Variants in ANKRD31 observed in about 807,000 individuals in gnomAD.
The protein encoded by ANKRD31 is ankyrin repeat domain 31.
Under a neutral mutation model 186.0 loss-of-function variants are expected in ANKRD31, and 147 were observed. The observed-to-expected ratio is 0.79, with a 90% CI of 0.69 to 0.91. The LOEUF (loss-of-function observed/expected upper bound fraction) is 0.91. Among genes scored for constraint, ANKRD31 ranks in the 40% least tolerant of loss-of-function variants. The probability of loss-of-function intolerance (pLI) is 0.00; values close to 1 mark genes in which losing one functional copy is unlikely to be tolerated. For synonymous variants in ANKRD31, 673 were observed against 736.4 expected (o/e 0.91, Z 1.39); for missense variants, 1,986 against 2,148.8 (o/e 0.92, Z 1.50).
intron 1 of ANKRD31, among the ~76,000 whole-genome samples, chr5:75,231,074 C>CTTTA (rs566026337): frequency 5.9e-5 from 9 of 151,738 alleles, no homozygotes; most frequent in South Asian, 2.1e-4. Flanking sequence ...GACAGAATTC[C>CTTTA]TTTATTTATT....
chr5:75,114,746 C>T (rs1051692847), intron 19 of ANKRD31, among the ~76,000 whole-genome samples: 13 of 152,034 alleles, frequency 8.6e-5, no homozygotes, highest in East Asian at 7.7e-4. Flanking sequence ...CGCTGCTCAA[C>T]GAAATAAAAG....
intron 25 of ANKRD31, among the ~76,000 whole-genome samples, chr5:75,073,861 T>TA (rs1419733995): frequency 1.1e-4 from 16 of 152,206 alleles, no homozygotes; most frequent in African/African-American, 3.9e-4. Flanking sequence ...CTCCTCTTTT[T>TA]AAAAAATTTT....
intron 19 of ANKRD31, among the ~76,000 whole-genome samples, chr5:75,114,567 T>C (rs548374517): frequency 2.0e-5 from 3 of 152,210 alleles, no homozygotes; most frequent in Admixed American, 6.5e-5. Context: ...GTTTTCTAGA[T>C]ATACAATCAA....
intron 25 of ANKRD31, among the ~76,000 whole-genome samples, chr5:75,071,130 G>C (rs1008319944): frequency 6.6e-6 from 1 of 151,952 alleles, no homozygotes; most frequent in South Asian, 2.1e-4. Context: ...TCATGTTTTG[G>C]TAACAGCTCT....
chr5:75,193,209 T>A, intron 8 of ANKRD31, 102 bp downstream of exon 8: 1 of 1,271,756 alleles, frequency 7.9e-7, no homozygotes, highest in Non-Finnish European at 1.1e-6. Flanking sequence ...TAAAGCTCTT[T>A]CCCCTGTGTT....
chr5:75,235,510 CT>C (rs778254586), intron 1 of ANKRD31, among the ~76,000 whole-genome samples: 11 of 152,070 alleles, frequency 7.2e-5, no homozygotes, highest in Non-Finnish European at 1.3e-4. Context: ...TGTCTTTCAG[CT>C]TTGAACCATC....
intron 25 of ANKRD31, among the ~76,000 whole-genome samples, chr5:75,079,568 G>A (rs765322533): frequency 7.2e-5 from 11 of 151,776 alleles, no homozygotes; most frequent in East Asian, 3.9e-4. Context: ...TCCGCCTCTC[G>A]GATTCAAGCA....
chr5:75,175,646 AACACACAC>A (rs10532266), intron 10 of ANKRD31, among the ~76,000 whole-genome samples: 597 of 147,680 alleles, frequency 4.0e-3, no homozygotes, highest in African/African-American at 0.014. Context: ...TACCTCAGAA[AACACACAC>A]ACACACACAC....
intron 12 of ANKRD31, among the ~76,000 whole-genome samples, chr5:75,151,212 A>ATC (rs1445014622): frequency 6.6e-6 from 1 of 152,056 alleles, no homozygotes; most frequent in Non-Finnish European, 1.5e-5. Flanking sequence ...ACTGGTTGTT[A>ATC]GATTGCTCAA....
chr5:75,126,270 C>T (rs369746974), intron 17 of ANKRD31, among the ~76,000 whole-genome samples: 62 of 152,124 alleles, frequency 4.1e-4, no homozygotes, highest in African/African-American at 1.4e-3. Flanking sequence ...GCTGAAACCC[C>T]GTCTCTACTA....
intron 21 of ANKRD31, among the ~76,000 whole-genome samples, chr5:75,107,189 C>T (rs1177490718): frequency 6.6e-6 from 1 of 151,854 alleles, no homozygotes; most frequent in Non-Finnish European, 1.5e-5. Flanking sequence ...AAAAAAGAAA[C>T]TTTTTTAGTG....
At chr5:75,166,461 A>C (rs1752930774) in intron 11 of ANKRD31, among the ~76,000 whole-genome samples, 1 of 152,106 alleles carries the variant, frequency 6.6e-6, no homozygotes, top group African/African-American at 2.4e-5. Flanking sequence ...ATAGGGGGAA[A>C]CTCTTGTCTA....
intron 19 of ANKRD31, among the ~76,000 whole-genome samples, chr5:75,114,852 A>T (rs1226029784): frequency 1.3e-5 from 2 of 152,176 alleles, no homozygotes; most frequent in Non-Finnish European, 2.9e-5. Context: ...TTACAGATTC[A>T]ATGCCATCCC....
chr5:75,116,381 C>T (rs1277293754), intron 19 of ANKRD31, among the ~76,000 whole-genome samples, 185 bp downstream of exon 19: 2 of 151,284 alleles, frequency 1.3e-5, no homozygotes, highest in Non-Finnish European at 2.9e-5. Flanking sequence ...GCACATTGTG[C>T]ACATGTACCC....
intron 14 of ANKRD31, among the ~76,000 whole-genome samples, chr5:75,145,524 G>A (rs1000245188): frequency 2.6e-5 from 4 of 151,990 alleles, no homozygotes; most frequent in Admixed American, 2.0e-4. Context: ...ACTCATAAGT[G>A]GGAATTGAAC....
At chr5:75,145,902 G>A (rs188799367) in intron 14 of ANKRD31, 85 bp downstream of exon 14, 327 of 1,211,928 alleles carry the variant, frequency 2.7e-4, no homozygotes, top group Non-Finnish European at 3.4e-4. Context: ...TTTGGCCATC[G>A]TTTGAATACA....
intron 19 of ANKRD31, among the ~76,000 whole-genome samples, chr5:75,114,304 G>A (rs1379286234): frequency 6.6e-6 from 1 of 152,080 alleles, no homozygotes; most frequent in Non-Finnish European, 1.5e-5. Flanking sequence ...AGTGAGTGAA[G>A]ACACATTTAT....
intron 1 of ANKRD31, among the ~76,000 whole-genome samples, chr5:75,233,086 G>C (rs1035009241): frequency 6.7e-6 from 1 of 150,316 alleles, no homozygotes; most frequent in African/African-American, 2.4e-5. Flanking sequence ...TTTTGAGATG[G>C]GAGTCTTGCT....
intron 10 of ANKRD31, among the ~76,000 whole-genome samples, chr5:75,178,889 C>G (rs970835422): frequency 2.0e-5 from 3 of 152,006 alleles, no homozygotes; most frequent in African/African-American, 7.3e-5. Context: ...AAGATCAGAG[C>G]AGAACTGAAG....
Sources: gnomAD v4.1 joint callset for allele counts (sites outside exome capture counted in the v4.1 genomes callset) on GRCh38, gnomAD v4.1.1 for gene constraint, MANE v1.5 for transcripts, NCBI Gene and HGNC (gene_info 2026-07-23, HGNC 2026-07-21) for gene names.